The following ROBO2 variants were observed in gnomAD, a reference collection of about 807,000 sequenced individuals.
The protein encoded by ROBO2 is roundabout guidance receptor 2, also known as roundabout homolog 2.
Under a neutral mutation model 160.8 loss-of-function variants are expected in ROBO2, and 53 were observed. The ratio of observed to expected loss-of-function variants is 0.33; its 90% CI spans 0.26 to 0.41. The LOEUF (loss-of-function observed/expected upper bound fraction) is 0.41, where lower values mean the gene tolerates loss of function less well. ROBO2 is among the 10% of genes least tolerant of loss of function. ROBO2 has a pLI of 1.00. For synonymous variants in ROBO2, 664 were observed against 611.7 expected (o/e 1.09, Z -1.26); for missense variants, 1,577 against 1,722.4 (o/e 0.92, Z 1.49).
At chr3:76,642,341 C>CTT (rs71104611) in intron 2 of ROBO2, among the ~76,000 whole-genome samples, 1,058 of 62,224 alleles carry the variant, frequency 0.017, 245 homozygotes, top group Non-Finnish European at 0.023. Flanking sequence ...TTTACACTTG[C>CTT]TTTTTTTTTT....
At chr3:76,042,357 A>G (rs1473738362) in intron 2 of ROBO2, among the ~76,000 whole-genome samples, 3 of 152,080 alleles carry the variant, frequency 2.0e-5, no homozygotes, top group Non-Finnish European at 4.4e-5. Flanking sequence ...TGCGAATATC[A>G]GAGATTAAAA....
intron 2 of ROBO2, among the ~76,000 whole-genome samples, chr3:76,870,349 A>C (rs566666211): frequency 6.6e-6 from 1 of 152,344 alleles, no homozygotes; most frequent in South Asian, 2.1e-4. Context: ...TTCACACTCC[A>C]GCTCTAGAGC....
chr3:76,746,549 C>A (rs2093895654), intron 2 of ROBO2, among the ~76,000 whole-genome samples: 3 of 152,108 alleles, frequency 2.0e-5, no homozygotes. Flanking sequence ...GATGGTATCT[C>A]ATTGTGGTTT....
chr3:76,301,596 T>C (rs563506276), intron 2 of ROBO2, among the ~76,000 whole-genome samples: 21 of 152,190 alleles, frequency 1.4e-4, no homozygotes, highest in African/African-American at 5.1e-4. Flanking sequence ...GTCTCTAATG[T>C]AGTAAGTGTT....
chr3:76,707,755 ATATAT>A (rs2093200702), intron 2 of ROBO2, among the ~76,000 whole-genome samples: 3 of 147,590 alleles, frequency 2.0e-5, no homozygotes, highest in African/African-American at 7.5e-5. Context: ...ATATATATAT[ATATAT>A]AAATCTTAAA....
rs116054572 is a variant in ROBO2 at position 76,631,627 on chromosome 3, C to T, written c.110-466387C>T. On this transcript the variant is annotated intron_variant, in intron 2 of 26. Coordinates refer to the ROBO2 transcript ENST00000487694. ...TGAAATCAGGACTGGTTTGGAAAGG[C>T]ATATTTTAAAAAGAAAATGGAAAAA... Among the ~76,000 whole-genome samples, 312 of 127,302 alleles carry T rather than the reference C, an allele frequency of 2.5e-3. 2 individuals carry two copies. The highest frequency in any genetic ancestry group is 7.7e-3 in the African/African-American group (257 of 33,402). The allele number at this position is 127,302 out of a possible 152,430, so 83.5% of individuals were successfully genotyped here.
chr3:77,199,620 A>ATTTTTTTT (rs66672194), intron 2 of ROBO2, among the ~76,000 whole-genome samples: 2 of 118,196 alleles, frequency 1.7e-5, no homozygotes, highest in African/African-American at 3.5e-5. Context: ...CTCAGTCACC[A>ATTTTTTTT]TTTTTTTTTT....
chr3:75,908,147 A>C (rs1244284714), intron 1 of ROBO2, among the ~76,000 whole-genome samples: 1 of 152,154 alleles, frequency 6.6e-6, no homozygotes, highest in Non-Finnish European at 1.5e-5. Flanking sequence ...ACAAACGATA[A>C]GTTTAGGAAA....
chr3:76,059,783 G>T (rs1392098075), intron 2 of ROBO2, among the ~76,000 whole-genome samples: 1 of 152,208 alleles, frequency 6.6e-6, no homozygotes, highest in East Asian at 1.9e-4. Flanking sequence ...TATGGTTTTA[G>T]GTCTAATATG....
chr3:76,525,785 T>C (rs1235954562), intron 2 of ROBO2, among the ~76,000 whole-genome samples: 2 of 152,032 alleles, frequency 1.3e-5, no homozygotes, highest in African/African-American at 4.8e-5. Context: ...TTATTGTTTT[T>C]AAGCACTTAA....
intron 2 of ROBO2, among the ~76,000 whole-genome samples, chr3:76,315,689 A>G (rs548369750): frequency 1.7e-4 from 26 of 152,258 alleles, no homozygotes; most frequent in African/African-American, 6.3e-4. Flanking sequence ...TGTTTCCCCT[A>G]GTTATATGAA....
chr3:76,569,270 T>C (rs544245199), intron 2 of ROBO2, among the ~76,000 whole-genome samples: 1 of 152,280 alleles, frequency 6.6e-6, no homozygotes, highest in African/African-American at 2.4e-5. Flanking sequence ...AAGGGATGCA[T>C]ATACTAGATG....
At chr3:77,380,376 C>A (rs2073280068) in intron 2 of ROBO2, among the ~76,000 whole-genome samples, 2 of 152,098 alleles carry the variant, frequency 1.3e-5, no homozygotes, top group Admixed American at 6.5e-5. Flanking sequence ...ATTATCGTTC[C>A]TCTCTGTCAT....
At chr3:76,135,882 A>G (rs1461307254) in intron 2 of ROBO2, among the ~76,000 whole-genome samples, 2 of 152,142 alleles carry the variant, frequency 1.3e-5, no homozygotes, top group Non-Finnish European at 2.9e-5. Flanking sequence ...TGTGCTGAAG[A>G]GGAAATATTA....
chr3:76,160,740 T>A (rs991864414), intron 2 of ROBO2, among the ~76,000 whole-genome samples: 1 of 152,150 alleles, frequency 6.6e-6, no homozygotes, highest in Non-Finnish European at 1.5e-5. Flanking sequence ...TTTTTCAAAC[T>A]GAGGTCTTAT....
intron 7 of ROBO2, among the ~76,000 whole-genome samples, chr3:77,550,197 TTC>T (rs2092864084): frequency 6.6e-6 from 1 of 152,074 alleles, no homozygotes; most frequent in African/African-American, 2.4e-5. Context: ...ATTCTACATT[TTC>T]TTTTTATCTT....
chr3:77,471,327 G>A (rs573861082), intron 2 of ROBO2, among the ~76,000 whole-genome samples: 22 of 152,306 alleles, frequency 1.4e-4, no homozygotes, highest in African/African-American at 4.8e-4. Flanking sequence ...TAAGGAAGCA[G>A]GAGCCAAAGA....
rs141432104 is a variant in ROBO2, at chr3:77,260,872, G to C, written c.388+162532G>C. The stretch of plus-strand genomic sequence containing the variant: ...GCCCCAGTGGGTAACCTCACCTTTT[G>C]GGGGTGGCTTTGTGGGTGGAGGCTG... On this transcript the variant is annotated intron_variant, in intron 2 of 25. Coordinates refer to ENST00000461745, the Ensembl canonical transcript of ROBO2. Among the ~76,000 whole-genome samples, 378 of 152,250 alleles carry C rather than the reference G, an allele frequency of 2.5e-3. 3 individuals are homozygous for C. The highest frequency in any genetic ancestry group is 8.2e-3 in the African/African-American group (341 of 41,544).
chr3:77,327,097 C>A (rs1232709375), intron 2 of ROBO2, among the ~76,000 whole-genome samples: 1 of 152,050 alleles, frequency 6.6e-6, no homozygotes, highest in Non-Finnish European at 1.5e-5. Context: ...ATTTAGAACT[C>A]GGGATAGAAT....
Sources: allele counts gnomAD v4.1 joint callset (sites outside exome capture counted in the v4.1 genomes callset), GRCh38; gene constraint gnomAD v4.1.1; transcripts MANE v1.5; gene names NCBI Gene and HGNC (gene_info 2026-07-23, HGNC 2026-07-21).